CSMD1: variants seen among roughly 807,000 people sequenced by gnomAD.
The protein encoded by CSMD1 is CUB and Sushi multiple domains 1.
A neutral mutation model predicts 417.5 loss-of-function variants in CSMD1; 213 were observed. The observed-to-expected ratio is 0.51, with a 90% confidence interval of 0.46 to 0.57. CSMD1 has a LOEUF of 0.57. Ranked by LOEUF, CSMD1 falls within the 20% of genes least tolerant of loss-of-function variation. The probability of loss-of-function intolerance (pLI) is 0.00; values close to 1 mark genes in which losing one functional copy is unlikely to be tolerated. For missense variants in CSMD1, 6,923 were observed against 4,529.7 expected (o/e 1.53, Z -15.17); for synonymous variants, 2,862 against 1,736.8 (o/e 1.65, Z -16.11).
intron 10 of CSMD1, among the ~76,000 whole-genome samples, chr8:3,509,310 C>G (rs935590355): frequency 1.3e-5 from 2 of 152,198 alleles, no homozygotes; most frequent in Non-Finnish European, 2.9e-5. Flanking sequence ...TTCCCCCACC[C>G]ATAGTTATAG....
At chr8:3,992,880 G>A (rs1424974765) in intron 5 of CSMD1, among the ~76,000 whole-genome samples, 1 of 152,230 alleles carries the variant, frequency 6.6e-6, no homozygotes, top group South Asian at 2.1e-4. Context: ...ATTCATAAAC[G>A]ATGTCACTGC....
chr8:3,804,362 A>G (rs545048072), intron 5 of CSMD1, among the ~76,000 whole-genome samples: 1 of 152,330 alleles, frequency 6.6e-6, no homozygotes, highest in Non-Finnish European at 1.5e-5. Flanking sequence ...TATCAAAAAT[A>G]CCCAGTGTGA....
intron 11 of CSMD1, among the ~76,000 whole-genome samples, chr8:3,472,811 C>A (rs954892031): frequency 6.6e-6 from 1 of 151,924 alleles, no homozygotes; most frequent in African/African-American, 2.4e-5. Flanking sequence ...CATGAAATAC[C>A]TGCCTCTTAA....
chr8:3,285,388 C>CT (rs147849935), intron 25 of CSMD1, among the ~76,000 whole-genome samples: 63,702 of 146,664 alleles, frequency 0.43, 13,971 homozygotes, highest in Non-Finnish European at 0.47. Flanking sequence ...TTTGTCAGAA[C>CT]TTTTTTTTTT....
rs187626795 is a variant in CSMD1 at position 4,396,975 on chromosome 8, A to G, written c.415+22978T>C. ...GTGCACCAAAGTCTCAGAAATCACT[A>G]AAGGACCTATTCATGTAACCAAACA... is the stretch of plus-strand genomic sequence containing the variant. On this transcript the variant is annotated intron_variant, in intron 3 of 69. Coordinates refer to ENST00000635120, the MANE Select transcript of CSMD1 (RefSeq NM_033225.6). Among the ~76,000 whole-genome samples, 626 of 152,212 alleles carry G rather than the reference A, an allele frequency of 4.1e-3. 4 individuals carry two copies. The highest frequency in any genetic ancestry group is 0.014 in the African/African-American group (596 of 41,516).
intron 5 of CSMD1, among the ~76,000 whole-genome samples, chr8:3,794,227 A>C (rs2623686): frequency 6.6e-6 from 1 of 152,196 alleles, no homozygotes; most frequent in Admixed American, 6.5e-5. Flanking sequence ...TCTTGGGACA[A>C]TCCTGTTCTA....
chr8:3,522,700 A>C (rs1469828918), intron 10 of CSMD1, among the ~76,000 whole-genome samples: 1 of 152,046 alleles, frequency 6.6e-6, no homozygotes, highest in Non-Finnish European at 1.5e-5. Flanking sequence ...GTCCCGGTAC[A>C]TTCACACCGA....
At position 3,155,359 on chromosome 8, in the gene CSMD1, A is replaced by ATTT. The variant is rs556304192; in HGVS notation, c.5914+2535_5914+2537dup. Reference sequence around the variant, plus strand: ...TTTTTCCTTCCAAATCAAGGCTGGGATTTTTTTTTTTTTTTTTTTTTTTTT... The same window carrying ATTT: ...TTTTTCCTTCCAAATCAAGGCTGGGATTTTTTTTTTTTTTTTTTTTTTTTTTTT... On this transcript the variant is annotated intron_variant, in intron 39 of 69. Coordinates refer to ENST00000635120, the MANE Select transcript of CSMD1 (RefSeq NM_033225.6). Among the ~76,000 whole-genome samples the ATTT allele has an allele frequency of 2.8e-3, 121 of 43,318 alleles. 28 individuals carry two copies. Among genetic ancestry groups the ATTT allele is most frequent in the South Asian group, 9.8e-3 (10 of 1,020 alleles). The allele number at this position is 43,318 out of a possible 152,430, so 28.4% of individuals were successfully genotyped here.
chr8:4,731,727 C>T (rs1459553886), intron 1 of CSMD1, among the ~76,000 whole-genome samples: 2 of 152,236 alleles, frequency 1.3e-5, no homozygotes, highest in Middle Eastern at 3.4e-3. Context: ...GACCCAGGAA[C>T]AGCAGCCACA....
chr8:4,703,337 C>T (rs779237824), intron 1 of CSMD1, among the ~76,000 whole-genome samples: 11 of 152,224 alleles, frequency 7.2e-5, no homozygotes, highest in Admixed American at 3.3e-4. Context: ...CGTCGCTCCA[C>T]GGACCTTTCT....
intron 3 of CSMD1, among the ~76,000 whole-genome samples, chr8:4,186,797 G>T (rs6985284): frequency 1.3e-5 from 2 of 150,402 alleles, no homozygotes; most frequent in African/African-American, 2.5e-5. Context: ...GACCAGCCTG[G>T]TCTACATGGT....
At chr8:4,128,331 G>A (rs1019611666) in intron 3 of CSMD1, among the ~76,000 whole-genome samples, 5 of 151,802 alleles carry the variant, frequency 3.3e-5, no homozygotes, top group African/African-American at 9.7e-5. Context: ...TTTTTAATGA[G>A]GAGACAAGAA....
chr8:3,208,545 C>G (rs9650503), intron 30 of CSMD1, among the ~76,000 whole-genome samples: 88,589 of 151,962 alleles, frequency 0.58, 26,118 homozygotes, highest in African/African-American at 0.68. Flanking sequence ...GATTACAGGG[C>G]TGAGCCACCA....
intron 5 of CSMD1, among the ~76,000 whole-genome samples, chr8:3,875,947 A>C (rs906180326): frequency 2.0e-5 from 3 of 152,076 alleles, no homozygotes; most frequent in African/African-American, 4.8e-5. Flanking sequence ...GCTCGGAGGC[A>C]AATTTATGGA....
intron 1 of CSMD1, among the ~76,000 whole-genome samples, chr8:4,977,526 G>A (rs139263321): frequency 2.0e-5 from 3 of 152,284 alleles, no homozygotes; most frequent in East Asian, 1.9e-4. Context: ...AATTCACAGA[G>A]CTCCCTTTGA....
At chr8:3,004,412 T>A (rs1807695798) in intron 52 of CSMD1, among the ~76,000 whole-genome samples, 1 of 152,168 alleles carries the variant, frequency 6.6e-6, no homozygotes, top group Non-Finnish European at 1.5e-5. Context: ...AAGGAAAACC[T>A]TGGCAAGAAA....
At chr8:4,833,442 A>G (rs1800268180) in intron 1 of CSMD1, among the ~76,000 whole-genome samples, 1 of 152,136 alleles carries the variant, frequency 6.6e-6, no homozygotes. Flanking sequence ...TGATCCAATC[A>G]CCTCTCACTA....
chr8:4,437,824 G>C (rs1480616611), intron 2 of CSMD1, among the ~76,000 whole-genome samples: 1 of 152,148 alleles, frequency 6.6e-6, no homozygotes. Flanking sequence ...TGATGGGCTT[G>C]TCTGTAAAAC....
chr8:4,276,359 C>A (rs1796486432), intron 3 of CSMD1, among the ~76,000 whole-genome samples: 1 of 152,130 alleles, frequency 6.6e-6, no homozygotes, highest in African/African-American at 2.4e-5. Context: ...TCATTGTCAG[C>A]AAACTATCAC....
Sources: allele counts gnomAD v4.1 joint callset (sites outside exome capture counted in the v4.1 genomes callset), GRCh38; gene constraint gnomAD v4.1.1; transcripts MANE v1.5; gene names NCBI Gene and HGNC (gene_info 2026-07-23, HGNC 2026-07-21).